The following PAWR variants were observed in gnomAD, a reference collection of about 807,000 sequenced individuals.
PAWR encodes the protein pro-apoptotic WT1 regulator.
A neutral mutation model predicts 32.0 loss-of-function variants in PAWR; 23 were observed. That is an observed-to-expected ratio of 0.72 (90% CI 0.52 to 1.02). The LOEUF is 1.02. Among genes scored for constraint, PAWR ranks in the 50% least tolerant of loss-of-function variants. PAWR has a pLI of 0.00. For synonymous variants in PAWR, 226 were observed against 187.1 expected, an observed-to-expected ratio of 1.21 and a Z score of -1.70; for missense variants, 457 against 437.7, an observed-to-expected ratio of 1.04 and a Z score of -0.39.
intron 3 of PAWR, among the ~76,000 whole-genome samples, chr12:79,618,098 C>A (rs984019215): frequency 2.6e-5 from 4 of 152,044 alleles, no homozygotes; most frequent in African/African-American, 9.7e-5. Context: ...ACAACCTATA[C>A]AGAATTACCT....
chr12:79,596,775 G>A, intron 4 of PAWR, 117 bp from the exon 5 acceptor site: 3 of 575,360 alleles, frequency 5.2e-6, no homozygotes, highest in East Asian at 3.1e-5. Flanking sequence ...GGTTATAGTA[G>A]CAACTTATTT....
chr12:79,664,663 G>GGGT (rs1555177492), intron 2 of PAWR, among the ~76,000 whole-genome samples: 1 of 149,084 alleles, frequency 6.7e-6, no homozygotes, highest in African/African-American at 2.5e-5. Flanking sequence ...TTTGGCGGGG[G>GGGT]GGGGAGGAGA....
At chr12:79,598,897 C>T (rs928406016) in intron 4 of PAWR, among the ~76,000 whole-genome samples, 1 of 152,050 alleles carries the variant, frequency 6.6e-6, no homozygotes, top group African/African-American at 2.4e-5. Flanking sequence ...CCACCATGCC[C>T]GGCTAATTTT....
chr12:79,688,467 T>TAAAA (rs11333665), intron 2 of PAWR: 8 of 102,374 alleles, frequency 7.8e-5, no homozygotes, highest in East Asian at 2.6e-4. Flanking sequence ...TATTTTTAAC[T>TAAAA]AAAAAAAAAA....
At chr12:79,628,598 T>G (rs1296230860) in intron 2 of PAWR, among the ~76,000 whole-genome samples, 2 of 151,966 alleles carry the variant, frequency 1.3e-5, no homozygotes, top group African/African-American at 4.8e-5. Flanking sequence ...TAAAGACTTC[T>G]ACAAATAACA....
rs956782895 is a variant in PAWR at position 79,658,352 on chromosome 12, T to C, written c.516+31377A>G. Among the ~76,000 whole-genome samples the C allele has an allele frequency of 7.9e-5, 12 of 152,278 alleles. No individual in the cohort carries two copies. In the East Asian group the frequency reaches 2.1e-3, roughly 27 times the overall value. On this transcript the variant is annotated intron_variant, in intron 2 of 6. Coordinates refer to ENST00000328827, the MANE Select transcript of PAWR (RefSeq NM_002583.4). ...GATAAGGAAAAGTTCAACTTAGAGG[T>C]CTATCATCCCATCTGAATTTAATAA...
chr12:79,603,153 G>A (rs1014331993), intron 4 of PAWR, among the ~76,000 whole-genome samples: 1 of 152,140 alleles, frequency 6.6e-6, no homozygotes, highest in East Asian at 1.9e-4. Context: ...GACTTGGGAG[G>A]CTGTGGTAGG....
At chr12:79,667,158 A>T (rs1877649108) in intron 2 of PAWR, among the ~76,000 whole-genome samples, 1 of 152,228 alleles carries the variant, frequency 6.6e-6, no homozygotes, top group Non-Finnish European at 1.5e-5. Flanking sequence ...TCACAGGTGC[A>T]TCCTTAACCT....
At chr12:79,639,381 G>A (rs1876170708) in intron 2 of PAWR, among the ~76,000 whole-genome samples, 1 of 151,948 alleles carries the variant, frequency 6.6e-6, no homozygotes, top group Admixed American at 6.6e-5. Context: ...AAATACTTAT[G>A]TCAATACATT....
intron 2 of PAWR, among the ~76,000 whole-genome samples, chr12:79,672,723 CAAA>C (rs774547367): frequency 8.0e-6 from 1 of 125,136 alleles, no homozygotes; most frequent in Non-Finnish European, 1.7e-5. Flanking sequence ...AATGTATCAC[CAAA>C]AAAAAAAAAA....
intron 5 of PAWR, 72 bp downstream of exon 5, chr12:79,596,439 C>T: frequency 1.4e-6 from 1 of 723,998 alleles, no homozygotes; most frequent in Non-Finnish European, 2.2e-6. Flanking sequence ...CTTTCTCACT[C>T]AGTTGCTATG....
intron 4 of PAWR, among the ~76,000 whole-genome samples, chr12:79,599,427 A>T (rs1461294926): frequency 2.0e-5 from 3 of 152,252 alleles, no homozygotes; most frequent in Non-Finnish European, 2.9e-5. Context: ...AAGAAGCAGG[A>T]CACCGATTTA....
rs570780610 is a variant in PAWR, at chr12:79,602,278, A to C, written c.684-5620T>G. ...AAAGGTAAATATGAATAAAAGTTCC[A>C]ATATTTTCCTCCTGCACCCTAGCAG... On this transcript the variant is annotated intron_variant, in intron 4 of 6. Transcript: ENST00000328827. Among the ~76,000 whole-genome samples, 11 of 152,326 alleles carry C rather than the reference A, an allele frequency of 7.2e-5. No individual in the cohort carries two copies. In the South Asian group the frequency reaches 2.3e-3, roughly 32 times the overall value.
chr12:79,676,265 G>A (rs1878161545), intron 2 of PAWR, among the ~76,000 whole-genome samples: 1 of 152,056 alleles, frequency 6.6e-6, no homozygotes, highest in Admixed American at 6.5e-5. Context: ...AATATGGCCT[G>A]CTTATTCAGA....
rs1873523358 is a variant in PAWR, at chr12:79,590,531, T to C, written c.*2076A>G. 6.6e-6 allele frequency: 1 copy of C among 152,128 alleles called. No homozygotes were observed. 9.4% of individuals were successfully genotyped at this position (152,128 alleles called of 1,614,324 possible). ...ACTGATATAATTTTTTTAAGTGAAA[T>C]GAAATGTTCCTTTATTTACATATGA... On this transcript the variant is annotated 3_prime_UTR_variant, in exon 7 of 7. Coordinates refer to ENST00000328827, the MANE Select transcript of PAWR (RefSeq NM_002583.4).
chr12:79,655,913 TTAAAA>T (rs1249718536), intron 2 of PAWR, among the ~76,000 whole-genome samples: 5 of 152,112 alleles, frequency 3.3e-5, no homozygotes, highest in African/African-American at 1.2e-4. Flanking sequence ...AAATAAGCAA[TTAAAA>T]TAGAGTGCTG....
chr12:79,598,096 G>C (rs531079105), intron 4 of PAWR: 1 of 152,350 alleles, frequency 6.6e-6, no homozygotes, highest in East Asian at 1.9e-4. Context: ...GACAGAAGCT[G>C]CAGTGTCGGT....
chr12:79,624,635 A>G lies in PAWR; in HGVS notation c.517-3428T>C, dbSNP rs147676084. ...AACCAGTGCAGTTCTTTTGATAACA[A>G]GCATCCTAGAAATTCTTAAGCAATC... On this transcript the variant is annotated intron_variant, in intron 2 of 6. Transcript: ENST00000328827. 4.1e-3 allele frequency among the ~76,000 whole-genome samples: 624 copies of G among 152,306 alleles called. 12 individuals carry two copies. The highest frequency in any genetic ancestry group is 0.014 in the African/African-American group (592 of 41,578).
Position 79,690,119 on chromosome 12 carries a change from CG to C in PAWR, c.125del (p.Pro42ArgfsTer48), listed in dbSNP as rs1555180541. 2.0e-5 allele frequency: 30 copies of C among 1,499,568 alleles called. No homozygotes were observed. Among genetic ancestry groups the C allele is most frequent in the East Asian group, 1.1e-4 (4 of 35,198 alleles). The allele number at this position is 1,499,568 out of a possible 1,614,324, so 92.9% of individuals were successfully genotyped here. ...AKQNPPGPAP[P>X]GGGSSDAAGK... is the part of the protein sequence containing the mutation. ...CAGCGGCGTCGCTGCTGCCCCCTCCCGGGGGGGCCGGGCCCGGGGGGTTCTG... is the reference window on the plus strand; with the variant it reads ...CAGCGGCGTCGCTGCTGCCCCCTCCCGGGGGGCCGGGCCCGGGGGGTTCTG... On this transcript the variant is annotated frameshift_variant, in exon 2 of 7. Coordinates refer to ENST00000328827, the MANE Select transcript of PAWR (RefSeq NM_002583.4). LOFTEE classifies it high-confidence loss of function.
Sources: allele counts gnomAD v4.1 joint callset (sites outside exome capture counted in the v4.1 genomes callset), GRCh38; gene constraint gnomAD v4.1.1; transcripts MANE v1.5; gene names NCBI Gene and HGNC (gene_info 2026-07-23, HGNC 2026-07-21).